The following PHYHIP variants were observed in gnomAD, a reference collection of about 807,000 sequenced individuals.
The protein encoded by PHYHIP is phytanoyl-CoA hydroxylase-interacting protein.
PHYHIP carries 7 observed loss-of-function variants against 26.1 expected under a neutral mutation model. That is an observed-to-expected ratio of 0.27 (90% CI 0.15 to 0.50). The LOEUF (loss-of-function observed/expected upper bound fraction) is 0.50. PHYHIP is among the 20% of genes least tolerant of loss of function. The pLI is 0.98. For missense variants in PHYHIP, 232 were observed against 454.7 expected, an observed-to-expected ratio of 0.51 and a Z score of 4.45; for synonymous variants, 206 against 183.4, an observed-to-expected ratio of 1.12 and a Z score of -1.00.
chr8:22,230,215 GCACA>G (rs145385890), intron 1 of PHYHIP, among the ~76,000 whole-genome samples: 3 of 150,834 alleles, frequency 2.0e-5, no homozygotes, highest in Non-Finnish European at 4.4e-5. Context: ...ACACACACAC[GCACA>G]CACACACACG....
At position 22,220,908 on chromosome 8, in the gene PHYHIP, T is replaced by C. The variant is rs547781961; in HGVS notation, c.*445A>G. 2 of 159,450 alleles carry C rather than the reference T, an allele frequency of 1.3e-5. No homozygotes were observed. Among genetic ancestry groups the C allele is most frequent in the East Asian group, 3.7e-4 (2 of 5,366 alleles). 9.9% of individuals were successfully genotyped at this position (159,450 alleles called of 1,614,324 possible). On this transcript the variant is annotated 3_prime_UTR_variant, in exon 5 of 5. Transcript: ENST00000454243. ...GGGGCATTCTGTGGTTGGCCCTGAG[T>C]GGGGTGAGTGGGACTAAGAAAGATC...
chr8:22,229,986 T>C (rs1284650201), intron 1 of PHYHIP, among the ~76,000 whole-genome samples: 1 of 152,176 alleles, frequency 6.6e-6, no homozygotes, highest in Non-Finnish European at 1.5e-5. Context: ...CACAGCCAAA[T>C]GCCGGTGGCT....
intron 3 of PHYHIP, among the ~76,000 whole-genome samples, chr8:22,225,072 C>A (rs1829715771): frequency 6.6e-6 from 1 of 152,128 alleles, no homozygotes; most frequent in South Asian, 2.1e-4. Context: ...GACTGGATTG[C>A]AGCCAGATCT....
chr8:22,231,443 T>G (rs1438043387), intron 1 of PHYHIP, among the ~76,000 whole-genome samples: 1 of 152,142 alleles, frequency 6.6e-6, no homozygotes, highest in Non-Finnish European at 1.5e-5. Context: ...CCAGCAAGCC[T>G]CCAGCCAACT....
At position 22,227,045 on chromosome 8, in the gene PHYHIP, C is replaced by G. The variant is rs1162988179; in HGVS notation, c.166-20G>C. ...GACGTCCTGAGAAACAGGGTACAAA[C>G]AGAGAGCCAGGCGTCAAACAGGGGT... On this transcript the variant is annotated intron_variant, in intron 2 of 4. Transcript: ENST00000454243. 1.3e-6 allele frequency: 2 copies of G among 1,594,894 alleles called. No individual in the cohort carries two copies. Among genetic ancestry groups the G allele is most frequent in the South Asian group, 1.1e-5 (1 of 89,546 alleles).
intron 2 of PHYHIP, among the ~76,000 whole-genome samples, chr8:22,227,444 A>G (rs971422715): frequency 2.0e-5 from 3 of 152,162 alleles, no homozygotes; most frequent in Non-Finnish European, 4.4e-5. Flanking sequence ...CATTCACGTC[A>G]CCGTGGCAAC....
chr8:22,220,018 C>T lies in PHYHIP; in HGVS notation c.*1335G>A, dbSNP rs1469073067. 1.3e-5 allele frequency: 2 copies of T among 152,508 alleles called. No homozygotes were observed. Among genetic ancestry groups the T allele is most frequent in the East Asian group, 1.9e-4 (1 of 5,202 alleles). 9.4% of individuals were successfully genotyped at this position (152,508 alleles called of 1,614,324 possible). A position where few individuals can be genotyped will look rare whatever the true frequency, so the allele number is the denominator to read the frequency against. On this transcript the variant is annotated 3_prime_UTR_variant, in exon 5 of 5. Coordinates refer to ENST00000454243, the MANE Select transcript of PHYHIP (RefSeq NM_014759.5). ...TCACCGAGGTATGGCCTTGCCGGCC[C>T]GCTGCTGCTTCCGTCCTTCATCACG... is the stretch of plus-strand genomic sequence containing the variant.
rs937829084 is a variant in PHYHIP, at chr8:22,221,231, G to A, written c.*122C>T. 16 of 949,132 alleles carry A rather than the reference G, an allele frequency of 1.7e-5. No homozygotes were observed. Among genetic ancestry groups the A allele is most frequent in the Non-Finnish European group, 2.4e-5 (16 of 657,024 alleles). The allele number at this position is 949,132 out of a possible 1,614,324, so 58.8% of individuals were successfully genotyped here. On this transcript the variant is annotated 3_prime_UTR_variant, in exon 5 of 5. Coordinates refer to ENST00000454243, the MANE Select transcript of PHYHIP (RefSeq NM_014759.5). The surrounding 1 kb of genome is among the most constrained non-coding windows in gnomAD (Gnocchi z 7.9). ...CTCCAATGCCAAGGGGCGAGGGGAGGGCAGCTGGGCAGAGTGGAGGGAGCA... is the reference window on the plus strand; with the variant it reads ...CTCCAATGCCAAGGGGCGAGGGGAGAGCAGCTGGGCAGAGTGGAGGGAGCA...
intron 3 of PHYHIP, 31 bp from the exon 4 acceptor site, chr8:22,224,374 G>A (rs747153219): frequency 6.7e-5 from 88 of 1,318,716 alleles, no homozygotes; most frequent in Non-Finnish European, 8.9e-5. Flanking sequence ...TAGGTGAGCC[G>A]AGGGCCAGCT....
At chr8:22,228,168 G>A (rs778894418) in intron 2 of PHYHIP, 25 bp downstream of exon 2, 57 of 1,606,536 alleles carry the variant, frequency 3.5e-5, no homozygotes, top group Non-Finnish European at 8.5e-6. Context: ...GCTGGGGAGG[G>A]GCTCCCAGGA....
At chr8:22,228,537 G>A in intron 1 of PHYHIP, 151 bp from the exon 2 acceptor site, 1 of 567,136 alleles carries the variant, frequency 1.8e-6, no homozygotes, top group Non-Finnish European at 3.1e-6. Flanking sequence ...TACAGGGGAG[G>A]CTGGAGAAGG....
chr8:22,227,797 G>A, intron 2 of PHYHIP: 1 of 447,504 alleles, frequency 2.2e-6, no homozygotes. Context: ...GCGAGGCTGT[G>A]CCCTGAGCCG....
chr8:22,222,753 G>C (rs920700593), intron 4 of PHYHIP, among the ~76,000 whole-genome samples: 4 of 152,206 alleles, frequency 2.6e-5, no homozygotes, highest in African/African-American at 9.7e-5. Flanking sequence ...TGATAAAGGA[G>C]CCCAAACTGG....
rs1829576967 is a variant in PHYHIP at position 22,219,853 on chromosome 8, G to A, written c.*1500C>T. On this transcript the variant is annotated 3_prime_UTR_variant, in exon 5 of 5. Coordinates refer to ENST00000454243, the MANE Select transcript of PHYHIP (RefSeq NM_014759.5). ...CCACAGCAATGCTGTCAGCACAGGG[G>A]GAAGGAAAGGGCCTGGGCCATGTTC... 6.5e-6 allele frequency: 1 copy of A among 152,900 alleles called. No individual in the cohort carries two copies. Among genetic ancestry groups the A allele is most frequent in the Non-Finnish European group, 1.5e-5 (1 of 68,300 alleles). 9.5% of individuals were successfully genotyped at this position (152,900 alleles called of 1,614,324 possible).
intron 2 of PHYHIP, among the ~76,000 whole-genome samples, chr8:22,227,339 C>T (rs1829769113): frequency 2.0e-5 from 3 of 152,240 alleles, no homozygotes. Flanking sequence ...CACTGCAGTG[C>T]CGTCTCCACG....
At chr8:22,222,195 C>A (rs1201439967) in intron 4 of PHYHIP, among the ~76,000 whole-genome samples, 2 of 152,038 alleles carry the variant, frequency 1.3e-5, no homozygotes, top group African/African-American at 4.8e-5. Context: ...TCTGTGGTCT[C>A]CTTGCCACTC....
chr8:22,223,134 G>A (rs1176676353), intron 4 of PHYHIP, among the ~76,000 whole-genome samples: 20 of 151,760 alleles, frequency 1.3e-4, no homozygotes, highest in Non-Finnish European at 2.9e-5. Flanking sequence ...AGGCCGAGGT[G>A]GGCGGATCAC....
intron 3 of PHYHIP, 99 bp downstream of exon 3, chr8:22,226,752 T>C: frequency 8.9e-7 from 1 of 1,125,432 alleles, no homozygotes; most frequent in Non-Finnish European, 1.3e-6. Context: ...ACAGAAGGTG[T>C]TCATCAGTGT....
At chr8:22,222,546 G>A (rs945720241) in intron 4 of PHYHIP, among the ~76,000 whole-genome samples, 11 of 152,318 alleles carry the variant, frequency 7.2e-5, no homozygotes, top group Non-Finnish European at 1.6e-4. Context: ...GATTGCAGGT[G>A]TGAGCCACTT....
Sources: gnomAD v4.1 joint callset for allele counts (sites outside exome capture counted in the v4.1 genomes callset) on GRCh38, gnomAD v4.1.1 for gene constraint, Gnocchi (gnomAD v3.1) non-coding constraint, MANE v1.5 for transcripts, NCBI Gene and HGNC (gene_info 2026-07-23, HGNC 2026-07-21) for gene names.